The following HDLBP variants were observed in gnomAD, a reference collection of about 807,000 sequenced individuals.
HDLBP encodes high density lipoprotein binding protein, also known as vigilin.
A neutral mutation model predicts 137.3 loss-of-function variants in HDLBP; 30 were observed. The ratio of observed to expected loss-of-function variants is 0.22; its 90% CI spans 0.16 to 0.30. The LOEUF (loss-of-function observed/expected upper bound fraction) is 0.30, where lower values mean the gene tolerates loss of function less well. HDLBP is among the 10% of genes least tolerant of loss of function. The probability of loss-of-function intolerance (pLI) is 1.00; values close to 1 mark genes in which losing one functional copy is unlikely to be tolerated. For missense variants in HDLBP, 1,119 were observed against 1,667.3 expected, an observed-to-expected ratio of 0.67 and a Z score of 5.73; for synonymous variants, 606 against 596.0, an observed-to-expected ratio of 1.02 and a Z score of -0.24.
rs2070970957 is a variant in HDLBP, at chr2:241,239,405, A to G, written c.2610+197T>C. ...TTTTTTTTAAGTGCTTCTCGCAGGC[A>G]GAATTCTCACCAACTATCAGGAAGG... On this transcript the variant is annotated intron_variant, in intron 19 of 27. Coordinates refer to ENST00000310931, the MANE Select transcript of HDLBP (RefSeq NM_005336.6). This position sits in a 1 kb window ranked among gnomAD's most constrained non-coding sequence, Gnocchi z 4.6. Among the ~76,000 whole-genome samples the G allele has an allele frequency of 6.6e-6, 1 of 151,388 alleles. No homozygotes were observed. Among genetic ancestry groups the G allele is most frequent in the African/African-American group, 2.4e-5 (1 of 41,142 alleles).
chr2:241,298,749 C>A (rs187431992), intron 1 of HDLBP, among the ~76,000 whole-genome samples: 3 of 152,220 alleles, frequency 2.0e-5, no homozygotes, highest in Non-Finnish European at 2.9e-5. Flanking sequence ...CAGAGAAGAA[C>A]CCAGCCTCCT....
At chr2:241,264,149 G>A (rs953428619) in intron 4 of HDLBP, among the ~76,000 whole-genome samples, 7 of 151,810 alleles carry the variant, frequency 4.6e-5, no homozygotes, top group Non-Finnish European at 7.4e-5. Flanking sequence ...GGATCACGAG[G>A]TCAGGAGATG....
In HDLBP at chr2:241,240,113, T is replaced by C; in HGVS notation, c.2179A>G (p.Ser727Gly). 1 of 1,614,174 alleles carries C rather than the reference T, an allele frequency of 6.2e-7. No homozygotes were observed. The highest frequency in any genetic ancestry group is 1.1e-5 in the South Asian group (1 of 91,086). ...LHLAEEKQTK[S>G]FTVDIRAKPE... ...TTGGCGCGGATGTCAACAGTGAAACTCTTGGTTTGCTGCAGAAACCAATCC... is the reference window on the plus strand; with the variant it reads ...TTGGCGCGGATGTCAACAGTGAAACCCTTGGTTTGCTGCAGAAACCAATCC... Residue 727 changes from serine to glycine, a missense_variant, in exon 18 of 28, where the codon AGT (serine) becomes GGT (glycine). By Grantham distance (56) the Ser-to-Gly change is moderately conservative. Transcript: ENST00000310931. The surrounding 1 kb of genome is among the most constrained non-coding windows in gnomAD (Gnocchi z 5.5).
At position 241,229,936 on chromosome 2, in the gene HDLBP, G is replaced by A. The variant is rs761944295; in HGVS notation, c.3617C>T (p.Ala1206Val). ...TGGGGGTTTCATGTATACCTGCAGC[G>A]CCTCACTGTCCACCACGTCAGCTAG... ...EYLADVVDSE[A>V]LQVYMKPPAH... Residue 1206 changes from alanine to valine, a missense_variant, in exon 27 of 28, where the codon GCG becomes GTG. Physicochemically the swap from Ala to Val is moderately conservative, Grantham distance 64. Transcript: ENST00000310931. 1.7e-5 allele frequency: 28 copies of A among 1,604,376 alleles called. No individual in the cohort carries two copies. Among genetic ancestry groups the A allele is most frequent in the Middle Eastern group, 1.7e-4 (1 of 6,012 alleles).
intron 5 of HDLBP, among the ~76,000 whole-genome samples, chr2:241,258,484 A>G (rs1410169331): frequency 1.3e-5 from 2 of 152,006 alleles, no homozygotes; most frequent in Admixed American, 6.6e-5. Context: ...TGATCATGCC[A>G]TGGCACTTCA....
At chr2:241,235,390 A>T in intron 22 of HDLBP, 100 bp downstream of exon 22, 1 of 1,471,502 alleles carries the variant, frequency 6.8e-7, no homozygotes, top group Non-Finnish European at 9.5e-7. Context: ...TCCGAGCAGG[A>T]GGAGGCAGAG....
intron 1 of HDLBP, among the ~76,000 whole-genome samples, chr2:241,279,238 G>A (rs1383943565): frequency 6.6e-6 from 1 of 152,198 alleles, no homozygotes; most frequent in Non-Finnish European, 1.5e-5. Context: ...CAAAAGGTAT[G>A]TGTGTGTATG....
chr2:241,293,269 G>GT (rs1315391129), intron 1 of HDLBP, among the ~76,000 whole-genome samples: 17 of 152,100 alleles, frequency 1.1e-4, no homozygotes, highest in African/African-American at 2.7e-4. Context: ...AAGCCCAGGA[G>GT]TTTGAGACCA....
intron 24 of HDLBP, among the ~76,000 whole-genome samples, chr2:241,231,727 G>A (rs752641910): frequency 2.6e-4 from 40 of 152,070 alleles, no homozygotes; most frequent in Non-Finnish European, 4.9e-4. Context: ...CACACAAATG[G>A]ACAGGAGACA....
At chr2:241,295,769 G>A (rs371168321) in intron 1 of HDLBP, among the ~76,000 whole-genome samples, 5 of 152,304 alleles carry the variant, frequency 3.3e-5, no homozygotes, top group African/African-American at 7.2e-5. Flanking sequence ...AATGCCACCC[G>A]TGACAGACGA....
At chr2:241,299,124 T>C (rs2075294636) in intron 1 of HDLBP, among the ~76,000 whole-genome samples, 1 of 152,202 alleles carries the variant, frequency 6.6e-6, no homozygotes, top group African/African-American at 2.4e-5. Flanking sequence ...CTCAGGTGGT[T>C]CAGATAAAGA....
intron 3 of HDLBP, 73 bp from the exon 4 acceptor site, chr2:241,264,678 A>G (rs2073512133): frequency 7.0e-7 from 1 of 1,423,250 alleles, no homozygotes; most frequent in Admixed American, 1.8e-5. Context: ...TAAGGGTTTT[A>G]GTGCTTAAAA....
At chr2:241,251,636 C>T (rs563872012) in intron 11 of HDLBP, among the ~76,000 whole-genome samples, 2 of 152,200 alleles carry the variant, frequency 1.3e-5, no homozygotes, top group Admixed American at 6.5e-5. Flanking sequence ...TTTCAGAACA[C>T]GCGAGTGTGT....
At chr2:241,290,379 G>A (rs2074973383) in intron 1 of HDLBP, among the ~76,000 whole-genome samples, 1 of 152,156 alleles carries the variant, frequency 6.6e-6, no homozygotes, top group Non-Finnish European at 1.5e-5. Flanking sequence ...GAAAGGCCAA[G>A]GTGGGTGGAT....
intron 20 of HDLBP, among the ~76,000 whole-genome samples, chr2:241,237,310 G>T (rs1240186719): frequency 6.6e-6 from 1 of 152,208 alleles, no homozygotes; most frequent in African/African-American, 2.4e-5. Context: ...GAGAGCCCCA[G>T]AAGTGAAGAG....
At chr2:241,267,959 TTC>T (rs1403576010) in intron 2 of HDLBP, 1 of 984,986 alleles carries the variant, frequency 1.0e-6, no homozygotes, top group Non-Finnish European at 1.2e-6. Context: ...ACATTCAGCA[TTC>T]TGAGGTAGGA....
chr2:241,252,949 T>G lies in HDLBP; in HGVS notation c.1372+8A>C, dbSNP rs1222063750. 1.3e-6 allele frequency: 2 copies of G among 1,594,668 alleles called. No individual in the cohort carries two copies. The highest frequency in any genetic ancestry group is 1.7e-6 in the Non-Finnish European group (2 of 1,163,244). On this transcript the variant is annotated splice_region_variant and intron_variant, in intron 11 of 27. Transcript: ENST00000310931. ...ACTGGCCCCACCGCAACAGACAGCC[T>G]CACTCACTGTTGGCACCGCTCTTCC...
At position 241,256,337 on chromosome 2, in the gene HDLBP, C is replaced by T. The variant is rs747724139; in HGVS notation, c.720G>A (p.Pro240=). The T allele has an allele frequency of 5.0e-5, 80 of 1,613,972 alleles. No homozygotes were observed. Among genetic ancestry groups the T allele is most frequent in the Middle Eastern group, 1.6e-4 (1 of 6,082 alleles). The change falls in exon 7 of 28, where the codon CCG becomes CCA. Residue 240 remains proline, a synonymous_variant. Coordinates refer to ENST00000310931, the MANE Select transcript of HDLBP (RefSeq NM_005336.6). ...EKAFHPFIAG[P]YNRLVGEIMQ... ...TGATCTCGCCAACCAGTCTATTATACGGCCCAGCGATGAAGGGGTGGAATG... is the reference window on the plus strand; with the variant it reads ...TGATCTCGCCAACCAGTCTATTATATGGCCCAGCGATGAAGGGGTGGAATG...
Position 241,229,673 on chromosome 2 carries a change from G to A in HDLBP, c.3735C>T (p.Ser1245=). 6.2e-7 allele frequency: 1 copy of A among 1,614,172 alleles called. No individual in the cohort carries two copies. The change falls in exon 28 of 28, where the codon AGC becomes AGT. Residue 1245 remains serine, a synonymous_variant. Coordinates refer to ENST00000310931, the MANE Select transcript of HDLBP (RefSeq NM_005336.6). Reference sequence around the variant, plus strand: ...CAAAGCTGGGAAATTCCTCAGAGCTGCTCATGTCAGGAGCCTGTGCAGAGA... The same window carrying A: ...CAAAGCTGGGAAATTCCTCAGAGCTACTCATGTCAGGAGCCTGTGCAGAGA... ...ASSSEKAPDM[S]SSEEFPSFGA... is the part of the protein sequence containing the mutation.
Sources: gnomAD v4.1 joint callset for allele counts (sites outside exome capture counted in the v4.1 genomes callset) on GRCh38, gnomAD v4.1.1 for gene constraint, Gnocchi (gnomAD v3.1) non-coding constraint, MANE v1.5 for transcripts, NCBI Gene and HGNC (gene_info 2026-07-23, HGNC 2026-07-21) for gene names.